COL4A5: variants seen among roughly 807,000 people sequenced by gnomAD.
COL4A5 encodes the protein collagen type IV alpha 5 chain.
In COL4A5, 26 loss-of-function variants were observed where a neutral mutation model predicts 130.2. The observed-to-expected ratio is 0.20, with a 90% CI of 0.15 to 0.28. The LOEUF (loss-of-function observed/expected upper bound fraction) is 0.28, where lower values mean the gene tolerates loss of function less well. Among genes scored for constraint, COL4A5 ranks in the 10% least tolerant of loss-of-function variants. COL4A5 has a pLI of 1.00. For synonymous variants in COL4A5, 496 were observed against 439.6 expected (o/e 1.13, Z -1.60); for missense variants, 1,131 against 1,344.3 (o/e 0.84, Z 2.48).
intron 1 of COL4A5, among the ~76,000 whole-genome samples, chrX:108,526,615 T>C (rs1201507332): frequency 8.5e-5 from 5 of 58,705 alleles, no homozygotes; most frequent in African/African-American, 5.6e-4. Context: ...TTTCTTTCTT[T>C]CTTTCTTTCT....
intron 36 of COL4A5, among the ~76,000 whole-genome samples, chrX:108,638,236 A>AT (rs779052075): frequency 1.3e-4 from 15 of 111,314 alleles, no homozygotes; most frequent in African/African-American, 3.3e-4. Flanking sequence ...GTCAAGTGAG[A>AT]TTTTTTCCTG....
intron 19 of COL4A5, among the ~76,000 whole-genome samples, chrX:108,587,706 A>T (rs1198620324): frequency 9.0e-6 from 1 of 111,426 alleles, no homozygotes; most frequent in East Asian, 2.8e-4. Flanking sequence ...ACTTTTTTTC[A>T]TAATGGTTGC....
chrX:108,614,510 G>A (rs759848054), intron 29 of COL4A5, among the ~76,000 whole-genome samples: 1 of 111,554 alleles, frequency 9.0e-6, no homozygotes, highest in South Asian at 3.7e-4. Flanking sequence ...ACTAATGAAG[G>A]GAGAAGCTTG....
chrX:108,500,569 A>AAT (rs1370034761), intron 1 of COL4A5, among the ~76,000 whole-genome samples: 3 of 111,878 alleles, frequency 2.7e-5, no homozygotes, highest in African/African-American at 6.5e-5. Flanking sequence ...GCAATGATAG[A>AAT]ATAAAGTAAA....
chrX:108,591,519 T>C lies in COL4A5; in HGVS notation c.1340-42T>C, dbSNP rs181606306. On this transcript the variant is annotated intron_variant, in intron 20 of 52. Coordinates refer to ENST00000328300, the MANE Select transcript of COL4A5 (RefSeq NM_033380.3). The stretch of plus-strand genomic sequence containing the variant: ...GCTTTCTTTTGTTTAATCTTCTGGA[T>C]ATTTCACAATTAGCTTGCTATCCTT... 7.8e-6 allele frequency: 8 copies of C among 1,030,011 alleles called. No individual in the cohort carries two copies. In the Admixed American group the frequency reaches 1.1e-4, roughly 14 times the overall value. The allele number at this position is 1,030,011 out of a possible 1,213,427, so 84.9% of individuals were successfully genotyped here.
chrX:108,695,446 T>G lies in COL4A5; in HGVS notation c.4994+7T>G. The G allele has an allele frequency of 8.3e-7, 1 of 1,209,173 alleles. No homozygotes were observed. The highest frequency in any genetic ancestry group is 1.1e-6 in the Non-Finnish European group (1 of 893,245). On this transcript the variant is annotated splice_region_variant and intron_variant, in intron 52 of 52. Coordinates refer to ENST00000328300, the MANE Select transcript of COL4A5 (RefSeq NM_033380.3). The stretch of plus-strand genomic sequence containing the variant: ...ATGTGTCAGACATGTTCAGGTAAAG[T>G]GCTTATAGCTTTAATTCAGGTCCAA...
intron 42 of COL4A5, among the ~76,000 whole-genome samples, chrX:108,672,479 A>G (rs2068224277): frequency 8.9e-6 from 1 of 112,429 alleles, no homozygotes; most frequent in Non-Finnish European, 1.9e-5. Context: ...GCAAGACTAC[A>G]ACCTTAAGTG....
At chrX:108,524,093 C>G (rs1459821096) in intron 1 of COL4A5, among the ~76,000 whole-genome samples, 1 of 110,596 alleles carries the variant, frequency 9.0e-6, no homozygotes. Flanking sequence ...TCTCATATAC[C>G]CCATAAATAC....
In COL4A5 at chrX:108,458,410, A is replaced by G. The variant is rs901656834; in HGVS notation, c.81+18204A>G. Among the ~76,000 whole-genome samples the G allele has an allele frequency of 2.7e-5, 3 of 111,670 alleles. 1 individual carries two copies. The highest frequency in any genetic ancestry group is 1.9e-4 in the Admixed American group (2 of 10,478). On this transcript the variant is annotated intron_variant, in intron 1 of 52. Transcript: ENST00000328300. ...TGTCTATCCTTATGCCAATACCACA[A>G]TGTCTTCACTACTGTACTTTTATGA...
intron 1 of COL4A5, among the ~76,000 whole-genome samples, chrX:108,458,656 T>C (rs1342443903): frequency 4.5e-5 from 5 of 111,866 alleles, no homozygotes; most frequent in African/African-American, 1.6e-4. Context: ...AGTGTTCTGA[T>C]AAGTGAACAT....
At chrX:108,588,150 G>A (rs1338951083) in intron 19 of COL4A5, among the ~76,000 whole-genome samples, 1 of 110,955 alleles carries the variant, frequency 9.0e-6, no homozygotes, top group African/African-American at 3.3e-5. Flanking sequence ...TTATTTGAAT[G>A]TTCTCTGAAA....
At chrX:108,607,908 C>A (rs1243129151) in intron 29 of COL4A5, among the ~76,000 whole-genome samples, 1 of 111,431 alleles carries the variant, frequency 9.0e-6, no homozygotes, top group Non-Finnish European at 1.9e-5. Context: ...AGATGGAGAT[C>A]TTAACTTTTT....
At chrX:108,509,460 A>G (rs1276369072) in intron 1 of COL4A5, among the ~76,000 whole-genome samples, 2 of 112,415 alleles carry the variant, frequency 1.8e-5, no homozygotes, top group Non-Finnish European at 3.8e-5. Context: ...CAAATTTACA[A>G]GAGAAAAACC....
At chrX:108,544,252 A>G (rs949973033) in intron 2 of COL4A5, among the ~76,000 whole-genome samples, 1 of 111,953 alleles carries the variant, frequency 8.9e-6, no homozygotes, top group African/African-American at 3.3e-5. Context: ...GGTTTGTCAT[A>G]GATAGCTCTT....
chrX:108,627,253 T>A (rs758059668), intron 36 of COL4A5: 373 of 590,834 alleles, frequency 6.3e-4, no homozygotes, highest in South Asian at 3.7e-3. Context: ...TATTAAAAAA[T>A]AATATAGACA....
chrX:108,669,576 C>T (rs1189920435), intron 41 of COL4A5, among the ~76,000 whole-genome samples: 1 of 111,981 alleles, frequency 8.9e-6, no homozygotes, highest in Non-Finnish European at 1.9e-5. Context: ...TGAAAATCTC[C>T]TCAGCCATGT....
At chrX:108,654,506 C>T (rs1252643627) in intron 36 of COL4A5, among the ~76,000 whole-genome samples, 1 of 112,734 alleles carries the variant, frequency 8.9e-6, no homozygotes, top group Non-Finnish European at 1.9e-5. Context: ...CCTGTAGTGG[C>T]ATGATCACGG....
rs181951185 is a variant in COL4A5, at chrX:108,608,420, A to T, written c.2395+1528A>T. 3.1e-3 allele frequency among the ~76,000 whole-genome samples: 341 copies of T among 111,554 alleles called. 1 individual carries two copies. Among genetic ancestry groups the T allele is most frequent in the African/African-American group, 0.011 (330 of 30,794 alleles). On this transcript the variant is annotated intron_variant, in intron 29 of 52. Transcript: ENST00000328300. ...TTTTTTAAAATTTTAAATATAACAA[A>T]GTAGACAGAACTTTATTGGGACTAC...
chrX:108,440,121 G>C lies in COL4A5; in HGVS notation c.-5G>C. The C allele has an allele frequency of 8.3e-7, 1 of 1,205,892 alleles. No homozygotes were observed. Among genetic ancestry groups the C allele is most frequent in the African/African-American group, 1.7e-5 (1 of 57,414 alleles). On this transcript the variant is annotated 5_prime_UTR_variant, in exon 1 of 53. Coordinates refer to ENST00000328300, the MANE Select transcript of COL4A5 (RefSeq NM_033380.3). ...TGCTGAAGGAGCTGCGGGAGCCGGA[G>C]AAGAATGAAACTGCGTGGAGTCAGC...
Sources: allele counts gnomAD v4.1 joint callset (sites outside exome capture counted in the v4.1 genomes callset), GRCh38; gene constraint gnomAD v4.1.1; transcripts MANE v1.5; gene names NCBI Gene and HGNC (gene_info 2026-07-23, HGNC 2026-07-21).